The following EPHB1 variants were observed in gnomAD, a reference collection of about 807,000 sequenced individuals.
The protein encoded by EPHB1 is EPH receptor B1.
In EPHB1, 30 loss-of-function variants were observed where a neutral mutation model predicts 94.4. The observed-to-expected ratio is 0.32, with a 90% CI of 0.24 to 0.43. EPHB1 has a LOEUF of 0.43. Ranked by LOEUF, EPHB1 falls within the 20% of genes least tolerant of loss-of-function variation. EPHB1 has a pLI of 1.00. For synonymous variants in EPHB1, 522 were observed against 489.1 expected, an observed-to-expected ratio of 1.07 and a Z score of -0.89; for missense variants, 1,055 against 1,308.3, an observed-to-expected ratio of 0.81 and a Z score of 2.99.
chr3:134,804,155 C>G (rs565860996), intron 1 of EPHB1, among the ~76,000 whole-genome samples: 17 of 131,384 alleles, frequency 1.3e-4, no homozygotes, highest in African/African-American at 4.5e-4. Context: ...AAAGACATAC[C>G]TGAGACTGGG....
chr3:135,193,962 G>A (rs1942530433), intron 11 of EPHB1, among the ~76,000 whole-genome samples: 1 of 152,168 alleles, frequency 6.6e-6, no homozygotes, highest in Admixed American at 6.5e-5. Context: ...GCTTAGAATT[G>A]TCTGAAGCCT....
chr3:135,088,383 T>A (rs896730436), intron 3 of EPHB1, among the ~76,000 whole-genome samples: 1 of 152,376 alleles, frequency 6.6e-6, no homozygotes, highest in African/African-American at 2.4e-5. Flanking sequence ...TGCTACTATC[T>A]TCTCATATAG....
chr3:135,074,984 T>G (rs7649958), intron 3 of EPHB1, among the ~76,000 whole-genome samples: 5,960 of 152,198 alleles, frequency 0.039, 173 homozygotes, highest in East Asian at 0.14. Context: ...ACACCTATCA[T>G]TGCCTGTGTG....
chr3:134,885,300 A>C (rs1161382237), intron 1 of EPHB1, among the ~76,000 whole-genome samples: 1 of 152,254 alleles, frequency 6.6e-6, no homozygotes, highest in Non-Finnish European at 1.5e-5. Context: ...TGAACAGAGC[A>C]TCAGTGAACT....
At chr3:134,950,903 G>A (rs771812803) in intron 2 of EPHB1, among the ~76,000 whole-genome samples, 2 of 152,204 alleles carry the variant, frequency 1.3e-5, no homozygotes, top group Non-Finnish European at 2.9e-5. Context: ...GCTTTTCAGA[G>A]ACATAAAGGA....
At chr3:134,914,367 T>C (rs2107696220) in intron 1 of EPHB1, among the ~76,000 whole-genome samples, 1 of 152,308 alleles carries the variant, frequency 6.6e-6, no homozygotes, top group South Asian at 2.1e-4. Context: ...CACAAATGCC[T>C]TGTGAAGTGA....
intron 3 of EPHB1, among the ~76,000 whole-genome samples, chr3:135,072,966 A>G (rs1369787144): frequency 6.6e-6 from 1 of 152,170 alleles, no homozygotes; most frequent in African/African-American, 2.4e-5. Context: ...TCTCATCATG[A>G]GTTCATAGAT....
chr3:135,127,020 C>A (rs1284431267), intron 4 of EPHB1, among the ~76,000 whole-genome samples: 1 of 152,178 alleles, frequency 6.6e-6, no homozygotes, highest in Non-Finnish European at 1.5e-5. Flanking sequence ...TACTCAATTT[C>A]TCTGTGGACC....
At chr3:135,116,994 G>A (rs916045403) in intron 4 of EPHB1, among the ~76,000 whole-genome samples, 37 of 152,246 alleles carry the variant, frequency 2.4e-4, no homozygotes, top group African/African-American at 8.7e-4. Context: ...ACTTGGGTGT[G>A]ACAAAGACCA....
chr3:134,952,110 T>G, intron 3 of EPHB1, 58 bp downstream of exon 3: 1 of 1,516,658 alleles, frequency 6.6e-7, no homozygotes, highest in South Asian at 1.3e-5. Context: ...TCTGCAAGGT[T>G]TCCCCACCAA....
At chr3:134,885,819 C>G (rs998410867) in intron 1 of EPHB1, among the ~76,000 whole-genome samples, 5 of 152,166 alleles carry the variant, frequency 3.3e-5, no homozygotes, top group Non-Finnish European at 5.9e-5. Context: ...GAAGGCTATG[C>G]CCTCTCATGA....
At chr3:135,076,867 A>G (rs1937946241) in intron 3 of EPHB1, among the ~76,000 whole-genome samples, 1 of 152,216 alleles carries the variant, frequency 6.6e-6, no homozygotes, top group Non-Finnish European at 1.5e-5. Flanking sequence ...GAGTCCTAGA[A>G]ATGTCCAGAA....
intron 4 of EPHB1, among the ~76,000 whole-genome samples, chr3:135,125,479 G>T (rs1940160936): frequency 6.6e-6 from 1 of 152,186 alleles, no homozygotes. Context: ...CCTGTTGAGG[G>T]AATGATGGAA....
intron 9 of EPHB1, among the ~76,000 whole-genome samples, chr3:135,171,681 G>T (rs1484759719): frequency 2.6e-5 from 4 of 152,322 alleles, no homozygotes; most frequent in Admixed American, 2.6e-4. Flanking sequence ...AAATGAGTTA[G>T]TTGACCACAT....
Position 135,201,566 on chromosome 3 carries a change from G to A in EPHB1, c.2223G>A (p.Val741=), listed in dbSNP as rs2107713031. Residue 741 remains valine (V), a synonymous_variant, in exon 12 of 16, where the codon GTG becomes GTA. Transcript: ENST00000398015. ...AGTACCTGGCTGAGATGAATTATGT[G>A]CATCGGGACCTGGCTGCTAGGAACA... The part of the protein sequence containing the change: ...GMKYLAEMNY[V]HRDLAARNIL... The A allele has an allele frequency of 6.2e-7, 1 of 1,613,998 alleles. No individual in the cohort carries two copies. Among genetic ancestry groups the A allele is most frequent in the East Asian group, 2.2e-5 (1 of 44,860 alleles).
intron 12 of EPHB1, among the ~76,000 whole-genome samples, chr3:135,211,153 C>A (rs1402536210): frequency 2.0e-5 from 3 of 152,106 alleles, no homozygotes; most frequent in Non-Finnish European, 4.4e-5. Context: ...ACTTTGAGTT[C>A]ATATTGTACC....
intron 11 of EPHB1, 93 bp downstream of exon 11, chr3:135,192,916 A>G (rs1942497718): frequency 1.3e-6 from 2 of 1,492,136 alleles, no homozygotes; most frequent in African/African-American, 1.4e-5. Flanking sequence ...ACCAATCAGG[A>G]ATCGCCTGAT....
intron 3 of EPHB1, among the ~76,000 whole-genome samples, chr3:135,077,845 C>A (rs1432600887): frequency 6.6e-6 from 1 of 152,198 alleles, no homozygotes; most frequent in African/African-American, 2.4e-5. Context: ...ACACTTTGCT[C>A]CCCTCACATC....
chr3:135,141,424 C>T (rs1940823332), intron 5 of EPHB1, among the ~76,000 whole-genome samples: 1 of 152,152 alleles, frequency 6.6e-6, no homozygotes, highest in Non-Finnish European at 1.5e-5. Context: ...CCCAGTAAAC[C>T]CTGCCCCTCA....
Sources: allele counts gnomAD v4.1 joint callset (sites outside exome capture counted in the v4.1 genomes callset), GRCh38; gene constraint gnomAD v4.1.1; transcripts MANE v1.5; gene names NCBI Gene and HGNC (gene_info 2026-07-23, HGNC 2026-07-21).